Variants in ZNF682 observed in about 807,000 individuals in gnomAD.
ZNF682 encodes zinc finger protein 682.
In ZNF682, 29 loss-of-function variants were observed where a neutral mutation model predicts 36.5. The observed-to-expected ratio is 0.80, with a 90% CI of 0.59 to 1.08. The LOEUF (loss-of-function observed/expected upper bound fraction) is 1.08. Among genes scored for constraint, ZNF682 ranks in the 50% least tolerant of loss-of-function variants. The pLI is 0.00. For synonymous variants in ZNF682, 180 were observed against 197.0 expected (o/e 0.91, Z 0.72); for missense variants, 561 against 579.7 (o/e 0.97, Z 0.33).
chr19:20,023,771 C>A (rs1310078049), intron 2 of ZNF682, among the ~76,000 whole-genome samples: 2 of 151,862 alleles, frequency 1.3e-5, no homozygotes, highest in African/African-American at 2.4e-5. Context: ...CACGTGAGGT[C>A]AGGAGTTCGA....
At chr19:20,001,035 G>A (rs796760070), downstream of ZNF682, among the ~76,000 whole-genome samples, 1 of 152,190 alleles carries the variant, frequency 6.6e-6, no homozygotes, top group South Asian at 2.1e-4. Flanking sequence ...CTCTGTCCTA[G>A]GGCCTTCCCA....
Position 20,004,974 on chromosome 19 carries a change from C to T in ZNF682, c.*1031G>A, listed in dbSNP as rs999365387. ...TTTAGAATAACATTGAAAGTGTTAGCGTCTTAGTGGTTTCTACTGTGAATC... is the reference window on the plus strand; with the variant it reads ...TTTAGAATAACATTGAAAGTGTTAGTGTCTTAGTGGTTTCTACTGTGAATC... On this transcript the variant is annotated 3_prime_UTR_variant, in exon 4 of 4. Transcript: ENST00000397165. 4 of 152,088 alleles carry T rather than the reference C, an allele frequency of 2.6e-5. No individual in the cohort carries two copies. The highest frequency in any genetic ancestry group is 4.4e-5 in the Non-Finnish European group (3 of 68,010). The allele number at this position is 152,088 out of a possible 1,614,324, so 9.4% of individuals were successfully genotyped here. A position where few individuals can be genotyped will look rare whatever the true frequency, so the allele number is the denominator to read the frequency against.
downstream of ZNF682, among the ~76,000 whole-genome samples, chr19:20,003,749 C>T (rs1200032067): frequency 6.6e-6 from 1 of 151,188 alleles, no homozygotes; most frequent in Non-Finnish European, 1.5e-5. Context: ...ACTATCAATA[C>T]CAGGCAAGTA....
chr19:19,997,338 C>T (rs2088134033), intron 3 of ZNF682: 3 of 398,416 alleles, frequency 7.5e-6, no homozygotes, highest in Non-Finnish European at 1.3e-5. Context: ...TTTCATACCT[C>T]ATAAATAAGA....
intron 3 of ZNF682, chr19:20,015,516 A>T (rs991446093): frequency 1.3e-6 from 1 of 752,534 alleles, no homozygotes; most frequent in African/African-American, 1.9e-5. Flanking sequence ...TATTATAAAA[A>T]CTGTAACAAA....
intron 1 of ZNF682, among the ~76,000 whole-genome samples, chr19:20,028,873 T>C (rs1405757333): frequency 6.6e-6 from 1 of 152,194 alleles, no homozygotes; most frequent in Non-Finnish European, 1.5e-5. Flanking sequence ...TGACATAATG[T>C]GAATTTATCC....
chr19:20,000,862 T>C (rs200581473), downstream of ZNF682, among the ~76,000 whole-genome samples: 1 of 152,170 alleles, frequency 6.6e-6, no homozygotes, highest in East Asian at 1.9e-4. Flanking sequence ...TTGATGAGTC[T>C]AACTCCTCCA....
chr19:20,038,613 TA>T (rs58388624), intron 1 of ZNF682, among the ~76,000 whole-genome samples: 90 of 145,010 alleles, frequency 6.2e-4, no homozygotes, highest in African/African-American at 1.5e-3. Flanking sequence ...GTTCCTACAT[TA>T]AAAAAAAAAA....
In ZNF682 at chr19:20,006,097, T is replaced by C. The variant is rs191905148; in HGVS notation, c.1405A>G (p.Asn469Asp). ...GKAFKRCSHLNEHKRVQRGEK... is the reference protein window; with the variant it reads ...GKAFKRCSHLDEHKRVQRGEK... ...CCTCTTTGAACTCTCTTATGTTCAT[T>C]AAGATGTGAGCACCGTTTAAAAGCT... Residue 469 changes from asparagine to aspartate, a missense_variant, in exon 4 of 4, where the codon AAT becomes GAT. Transcript: ENST00000397165. 1,098 of 1,614,010 alleles carry C rather than the reference T, an allele frequency of 6.8e-4. 1 individual carries two copies. Among genetic ancestry groups the C allele is most frequent in the South Asian group, 1.2e-3 (106 of 91,086 alleles).
In ZNF682 at chr19:20,006,963, T is replaced by C. The variant is rs775995270; in HGVS notation, c.539A>G (p.Lys180Arg). 6.2e-7 allele frequency: 1 copy of C among 1,613,098 alleles called. No individual in the cohort carries two copies. The highest frequency in any genetic ancestry group is 1.1e-5 in the South Asian group (1 of 90,970). The part of the protein sequence containing the change: ...EKLFKCMQCG[K>R]VFKSHSGLSY... The stretch of plus-strand genomic sequence containing the variant: ...AAGGCCTGAGTGAGATTTAAAGACT[T>C]TGCCACATTGCATACATTTGAAAAG... The change falls in exon 4 of 4, where the codon AAA (lysine) becomes AGA (arginine). Residue 180 changes from lysine (K) to arginine (R), a missense_variant. Transcript: ENST00000397165.
intron 1 of ZNF682, among the ~76,000 whole-genome samples, chr19:20,036,193 T>A (rs551443591): frequency 4.6e-5 from 7 of 152,300 alleles, no homozygotes; most frequent in Admixed American, 3.3e-4. Flanking sequence ...CTGCACATAT[T>A]AGTAATTACC....
At chr19:20,011,808 C>A (rs1421136172) in intron 3 of ZNF682, among the ~76,000 whole-genome samples, 1 of 152,104 alleles carries the variant, frequency 6.6e-6, no homozygotes, top group Non-Finnish European at 1.5e-5. Flanking sequence ...GAGGCCGAGG[C>A]AGGCGGATCA....
At chr19:20,002,249 AT>A (rs10610980), downstream of ZNF682, among the ~76,000 whole-genome samples, 105,016 of 127,130 alleles carry the variant, frequency 0.83, 43,194 homozygotes, top group Non-Finnish European at 0.88. Context: ...CCCCTGGCTA[AT>A]TTTTTTTTTT....
chr19:20,031,922 T>C (rs1599617545), intron 1 of ZNF682, among the ~76,000 whole-genome samples: 1 of 152,268 alleles, frequency 6.6e-6, no homozygotes, highest in East Asian at 1.9e-4. Flanking sequence ...CTCATTAGTT[T>C]ACAGGAATAA....
chr19:20,015,802 T>C (rs1424811670), intron 3 of ZNF682: 1 of 398,092 alleles, frequency 2.5e-6, no homozygotes, highest in African/African-American at 2.1e-5. Flanking sequence ...ATTAATATGT[T>C]GCTCTTCTTT....
At chr19:20,037,071 C>G (rs1012029248) in intron 1 of ZNF682, among the ~76,000 whole-genome samples, 2 of 152,146 alleles carry the variant, frequency 1.3e-5, no homozygotes, top group African/African-American at 4.8e-5. Context: ...CCCTCATTTT[C>G]AAGTGGGGGA....
Position 20,007,149 on chromosome 19 carries a change from T to C in ZNF682, c.353A>G (p.Glu118Gly). The change falls in exon 4 of 4, where the codon GAA (glutamate) becomes GGA (glycine). Residue 118 changes from glutamate to glycine, a missense_variant. Glu to Gly is a moderately conservative substitution (Grantham distance 98). Coordinates refer to ENST00000397165, the MANE Select transcript of ZNF682 (RefSeq NM_033196.3). ...TTGATCCTTACACTCACCCACATTTTCCCCATCCTTCCTTAAGTGTAAATC... is the reference window on the plus strand; with the variant it reads ...TTGATCCTTACACTCACCCACATTTCCCCCATCCTTCCTTAAGTGTAAATC... ...LEDLHLRKDG[E>G]NVGECKDQKE... The C allele has an allele frequency of 2.5e-6, 4 of 1,613,626 alleles. No homozygotes were observed. The highest frequency in any genetic ancestry group is 3.4e-6 in the Non-Finnish European group (4 of 1,179,998).
intron 3 of ZNF682, among the ~76,000 whole-genome samples, chr19:20,017,942 C>T (rs922470975): frequency 2.6e-5 from 4 of 151,806 alleles, no homozygotes; most frequent in African/African-American, 9.7e-5. Context: ...TATTCTTGCT[C>T]AAGGATCAGA....
chr19:20,019,704 C>T (rs945788760), intron 3 of ZNF682, among the ~76,000 whole-genome samples: 2 of 152,006 alleles, frequency 1.3e-5, no homozygotes, highest in Non-Finnish European at 2.9e-5. Flanking sequence ...GACAAAGAGC[C>T]AACAGGTATG....
Sources: gnomAD v4.1 joint callset for allele counts (sites outside exome capture counted in the v4.1 genomes callset) on GRCh38, gnomAD v4.1.1 for gene constraint, MANE v1.5 for transcripts, NCBI Gene and HGNC (gene_info 2026-07-23, HGNC 2026-07-21) for gene names.